Variants in PPFIBP2 observed in about 807,000 individuals in gnomAD.
PPFIBP2 encodes the protein PPFIB scaffold protein 2, also known as liprin-beta-2.
PPFIBP2 carries 118 observed loss-of-function variants against 118.3 expected under a neutral mutation model. That is an observed-to-expected ratio of 1.00 (90% CI 0.86 to 1.16). PPFIBP2 has a LOEUF of 1.16. Among genes scored for constraint, PPFIBP2 ranks in the 50% most tolerant of loss-of-function variants. The pLI is 0.00. For synonymous variants in PPFIBP2, 414 were observed against 397.4 expected, an observed-to-expected ratio of 1.04 and a Z score of -0.50; for missense variants, 1,195 against 1,073.1, an observed-to-expected ratio of 1.11 and a Z score of -1.59.
At chr11:7,550,401 C>T (rs1378305744) in intron 2 of PPFIBP2, among the ~76,000 whole-genome samples, 2 of 152,222 alleles carry the variant, frequency 1.3e-5, no homozygotes, top group Non-Finnish European at 2.9e-5. Flanking sequence ...ACTGCCCTTT[C>T]TCAGGCATTT....
chr11:7,586,378 C>G (rs556365133), intron 3 of PPFIBP2, among the ~76,000 whole-genome samples: 1 of 152,298 alleles, frequency 6.6e-6, no homozygotes, highest in African/African-American at 2.4e-5. Context: ...TTAAACAAAG[C>G]TAAATCATTT....
chr11:7,614,495 G>A (rs1056122797), intron 6 of PPFIBP2, among the ~76,000 whole-genome samples: 6 of 152,092 alleles, frequency 3.9e-5, no homozygotes, highest in African/African-American at 1.4e-4. Context: ...TCCAACAATA[G>A]CCTAATTTAT....
At chr11:7,645,160 G>C (rs946483284) in intron 17 of PPFIBP2, among the ~76,000 whole-genome samples, 6 of 151,984 alleles carry the variant, frequency 3.9e-5, no homozygotes, top group Admixed American at 2.0e-4. Context: ...TAGGGCAGCT[G>C]TGGGGGTTTT....
chr11:7,609,872 GGTTGAGCCCAGAAA>G (rs1222515106), intron 5 of PPFIBP2, among the ~76,000 whole-genome samples: 7 of 152,124 alleles, frequency 4.6e-5, no homozygotes, highest in Non-Finnish European at 8.8e-5. Flanking sequence ...GCTGAGCATT[GGTTGAGCCCAGAAA>G]GTGATCTAGA....
chr11:7,558,649 G>C (rs1466826083), intron 2 of PPFIBP2, among the ~76,000 whole-genome samples: 1 of 151,950 alleles, frequency 6.6e-6, no homozygotes, highest in South Asian at 2.1e-4. Context: ...CCACCTACTC[G>C]GGAGGCTGAG....
intron 6 of PPFIBP2, among the ~76,000 whole-genome samples, chr11:7,615,151 C>T (rs868707195): frequency 6.6e-6 from 1 of 152,048 alleles, no homozygotes; most frequent in Non-Finnish European, 1.5e-5. Flanking sequence ...GCCTGGCCAA[C>T]ATAGTGAAAC....
At chr11:7,623,289 G>A (rs1849578641) in intron 7 of PPFIBP2, among the ~76,000 whole-genome samples, 1 of 152,208 alleles carries the variant, frequency 6.6e-6, no homozygotes, top group Admixed American at 6.5e-5. Flanking sequence ...ATGAGGCACA[G>A]CACTTGCAGG....
Position 7,565,498 on chromosome 11 carries a change from C to A in PPFIBP2, c.65-55C>A, listed in dbSNP as rs928609098. On this transcript the variant is annotated intron_variant, in intron 2 of 23. Coordinates refer to ENST00000299492, the MANE Select transcript of PPFIBP2 (RefSeq NM_003621.5). The stretch of plus-strand genomic sequence containing the variant: ...TCACCACCTTTGCTCTTTACTAGTA[C>A]CTTGCTCAGGGTGTCCACCCTTCTT... The A allele has an allele frequency of 7.6e-6, 12 of 1,578,248 alleles. No individual in the cohort carries two copies. In the African/African-American group the frequency reaches 1.3e-4, roughly 18 times the overall value.
chr11:7,585,574 TCTC>T (rs903980332), intron 3 of PPFIBP2, among the ~76,000 whole-genome samples: 1 of 152,124 alleles, frequency 6.6e-6, no homozygotes, highest in Non-Finnish European at 1.5e-5. Flanking sequence ...AAGAGTGTGT[TCTC>T]CTTGCAAATG....
intron 14 of PPFIBP2, among the ~76,000 whole-genome samples, chr11:7,638,292 C>T (rs1486883777): frequency 2.0e-5 from 3 of 152,140 alleles, no homozygotes; most frequent in Non-Finnish European, 2.9e-5. Context: ...GGGTCTTGAC[C>T]GTATGTCTGA....
chr11:7,610,210 G>T, intron 5 of PPFIBP2, 81 bp from the exon 6 acceptor site: 1 of 1,493,496 alleles, frequency 6.7e-7, no homozygotes, highest in Non-Finnish European at 9.3e-7. Context: ...CTTAGGTGTT[G>T]CCTTATGTGC....
chr11:7,633,233 T>C (rs1022570893), intron 12 of PPFIBP2, among the ~76,000 whole-genome samples: 1 of 152,220 alleles, frequency 6.6e-6, no homozygotes, highest in African/African-American at 2.4e-5. Flanking sequence ...TCCTCAGAGC[T>C]GAGAGCATCC....
At position 7,618,992 on chromosome 11, in the gene PPFIBP2, A is replaced by G. The variant is rs1849028062; in HGVS notation, c.619-1943A>G. On this transcript the variant is annotated intron_variant, in intron 6 of 23. Transcript: ENST00000299492. Reference sequence around the variant, plus strand: ...ACCCTACAAAATTCAAGGGTAAGCAATGTCAACTTTGTGGTGGATTATCTC... The same window carrying G: ...ACCCTACAAAATTCAAGGGTAAGCAGTGTCAACTTTGTGGTGGATTATCTC... Among the ~76,000 whole-genome samples the G allele has an allele frequency of 2.6e-5, 4 of 151,804 alleles. No individual in the cohort carries two copies. The South Asian group carries it at 8.3e-4, about 32-fold the overall frequency.
intron 1 of PPFIBP2, among the ~76,000 whole-genome samples, chr11:7,528,496 A>G (rs1850411894): frequency 6.6e-6 from 1 of 152,222 alleles, no homozygotes; most frequent in South Asian, 2.1e-4. Flanking sequence ...AGCTTCTATC[A>G]TTAGTAACAA....
chr11:7,653,143 C>T lies in PPFIBP2; in HGVS notation c.2556C>T (p.Tyr852=), dbSNP rs1175723616. 1 of 1,614,246 alleles carries T rather than the reference C, an allele frequency of 6.2e-7. No homozygotes were observed. The highest frequency in any genetic ancestry group is 1.1e-5 in the South Asian group (1 of 91,090). ...GTGTCAGTGATAGTCACAGGGTCTA[C>T]AGTGGCTACCGGGGCCTCAGCCCCC... ...SDGVSDSHRV[Y]SGYRGLSPLD... Residue 852 remains tyrosine (Y), a synonymous_variant, in exon 24 of 24, where the codon TAC becomes TAT. Coordinates refer to ENST00000299492, the MANE Select transcript of PPFIBP2 (RefSeq NM_003621.5).
At chr11:7,651,248 C>G (rs1853960596) in intron 22 of PPFIBP2, 2 of 349,440 alleles carry the variant, frequency 5.7e-6, no homozygotes, top group South Asian at 1.1e-4. Flanking sequence ...GAGGGAACAG[C>G]AGGGCTGAGG....
intron 15 of PPFIBP2, 120 bp from the exon 16 acceptor site, chr11:7,641,359 G>A (rs1852166456): frequency 8.6e-7 from 1 of 1,160,820 alleles, no homozygotes; most frequent in African/African-American, 1.6e-5. Flanking sequence ...GTTCTGCCCT[G>A]AAGGCAGAAC....
rs539261679 is a variant in PPFIBP2, at chr11:7,583,435, C to T, written c.280-9697C>T. 2.0e-5 allele frequency among the ~76,000 whole-genome samples: 3 copies of T among 152,316 alleles called. No homozygotes were observed. The East Asian group carries it at 5.8e-4, about 29-fold the overall frequency. ...AGCACCCAGTCCTGCTGCACTGTCT[C>T]TGAAGGTGTTTTCAGTAATAATGAC... is the stretch of plus-strand genomic sequence containing the variant. On this transcript the variant is annotated intron_variant, in intron 3 of 23. Transcript: ENST00000299492.
chr11:7,624,812 C>G (rs918303962), intron 7 of PPFIBP2, among the ~76,000 whole-genome samples: 8 of 152,168 alleles, frequency 5.3e-5, no homozygotes, highest in Non-Finnish European at 1.0e-4. Context: ...TAATTGCAGT[C>G]CCATGAAGTA....
Sources: gnomAD v4.1 joint callset for allele counts (sites outside exome capture counted in the v4.1 genomes callset) on GRCh38, gnomAD v4.1.1 for gene constraint, MANE v1.5 for transcripts, NCBI Gene and HGNC (gene_info 2026-07-23, HGNC 2026-07-21) for gene names.